PPP1R12B: variants seen among roughly 807,000 people sequenced by gnomAD.
PPP1R12B encodes myosin phosphatase target subunit 2.
PPP1R12B carries 76 observed loss-of-function variants against 126.1 expected under a neutral mutation model. That is an observed-to-expected ratio of 0.60 (90% CI 0.50 to 0.73). The LOEUF is 0.73. Among genes scored for constraint, PPP1R12B ranks in the 30% least tolerant of loss-of-function variants. PPP1R12B has a pLI of 0.00. For synonymous variants in PPP1R12B, 356 were observed against 434.7 expected (o/e 0.82, Z 2.25); for missense variants, 1,052 against 1,205.1 (o/e 0.87, Z 1.88).
At chr1:202,366,704 T>A (rs1404436911) in intron 1 of PPP1R12B, among the ~76,000 whole-genome samples, 1 of 152,192 alleles carries the variant, frequency 6.6e-6, no homozygotes, top group African/African-American at 2.4e-5. Context: ...TTAATAATGA[T>A]GATGTTGATT....
At chr1:202,487,528 C>G (rs991947152) in intron 13 of PPP1R12B, among the ~76,000 whole-genome samples, 2 of 151,244 alleles carry the variant, frequency 1.3e-5, no homozygotes, top group African/African-American at 4.8e-5. Flanking sequence ...TCTCATTTTA[C>G]AGATGACATG....
chr1:202,414,311 C>T (rs1396718121), intron 1 of PPP1R12B, among the ~76,000 whole-genome samples: 2 of 152,198 alleles, frequency 1.3e-5, no homozygotes, highest in Non-Finnish European at 2.9e-5. Context: ...GAAACCATGT[C>T]AATGGACTTT....
intron 18 of PPP1R12B, among the ~76,000 whole-genome samples, chr1:202,524,727 GT>G (rs1683135719): frequency 6.6e-6 from 1 of 152,138 alleles, no homozygotes; most frequent in African/African-American, 2.4e-5. Flanking sequence ...AGTATTCCAT[GT>G]TGTGTGTATA....
chr1:202,368,093 C>G (rs1188488161), intron 1 of PPP1R12B, among the ~76,000 whole-genome samples: 1 of 152,014 alleles, frequency 6.6e-6, no homozygotes, highest in East Asian at 1.9e-4. Flanking sequence ...CCTCAGTTTC[C>G]CGAGTAGCTG....
chr1:202,547,660 G>A lies in PPP1R12B; in HGVS notation c.2491-11217G>A, dbSNP rs566295679. ...AGTATATTATAGCATTTTAAAAAATGTTTTGCGTTGATTTCCAAAATCAAC... is the reference window on the plus strand; with the variant it reads ...AGTATATTATAGCATTTTAAAAAATATTTTGCGTTGATTTCCAAAATCAAC... On this transcript the variant is annotated intron_variant, in intron 18 of 23. Coordinates refer to ENST00000608999, the MANE Select transcript of PPP1R12B (RefSeq NM_002481.4). Among the ~76,000 whole-genome samples, 8 of 152,282 alleles carry A rather than the reference G, an allele frequency of 5.3e-5. No individual in the cohort carries two copies. The South Asian group carries it at 1.7e-3, about 32-fold the overall frequency.
intron 18 of PPP1R12B, among the ~76,000 whole-genome samples, chr1:202,507,975 C>G (rs1173969467): frequency 6.6e-6 from 1 of 152,148 alleles, no homozygotes; most frequent in Non-Finnish European, 1.5e-5. Flanking sequence ...TATAGATTTG[C>G]CCCAGCAGGA....
chr1:202,521,702 A>G (rs1682808661), intron 18 of PPP1R12B, among the ~76,000 whole-genome samples: 1 of 152,200 alleles, frequency 6.6e-6, no homozygotes, highest in South Asian at 2.1e-4. Flanking sequence ...AAAGAGAAAG[A>G]TGGACATGAA....
intron 18 of PPP1R12B, among the ~76,000 whole-genome samples, chr1:202,511,470 G>GCCT (rs1475829392): frequency 1.3e-5 from 2 of 151,950 alleles, no homozygotes; most frequent in Non-Finnish European, 2.9e-5. Context: ...ACCTGCCTCA[G>GCCT]CCTCCCAAAG....
At chr1:202,489,529 A>G (rs1380019194) in intron 14 of PPP1R12B, among the ~76,000 whole-genome samples, 7 of 152,246 alleles carry the variant, frequency 4.6e-5, no homozygotes, top group Non-Finnish European at 7.3e-5. Flanking sequence ...AATAAAAAGA[A>G]ATGAAGTACT....
chr1:202,578,101 C>A (rs1423100272), intron 23 of PPP1R12B, among the ~76,000 whole-genome samples: 2 of 152,232 alleles, frequency 1.3e-5, no homozygotes, highest in African/African-American at 4.8e-5. Context: ...CACCTCTTAA[C>A]ACTTTTTGCC....
chr1:202,451,666 G>A (rs1484543662), intron 13 of PPP1R12B, among the ~76,000 whole-genome samples: 4 of 152,110 alleles, frequency 2.6e-5, no homozygotes, highest in East Asian at 3.9e-4. Context: ...ATCATGGCCC[G>A]TTCTCAGTGA....
chr1:202,350,907 C>T (rs998795145), intron 1 of PPP1R12B, among the ~76,000 whole-genome samples: 5 of 151,990 alleles, frequency 3.3e-5, no homozygotes, highest in South Asian at 2.1e-4. Context: ...AGGCATGAGC[C>T]GCTGTGCCTG....
At chr1:202,439,649 T>G in intron 10 of PPP1R12B, 1 of 747,512 alleles carries the variant, frequency 1.3e-6, no homozygotes, top group Non-Finnish European at 2.3e-6. Flanking sequence ...CCCTGTCCAC[T>G]GCCCTTCCTG....
chr1:202,446,234 CTCTA>C lies in PPP1R12B; in HGVS notation c.1668-2753_1668-2750del, dbSNP rs201831040. Among the ~76,000 whole-genome samples, 127 of 88,360 alleles carry C rather than the reference CTCTA, an allele frequency of 1.4e-3. 1 individual carries two copies. Among genetic ancestry groups the C allele is most frequent in the African/African-American group, 2.5e-3 (67 of 26,436 alleles). The allele number at this position is 88,360 out of a possible 152,430, so 58.0% of individuals were successfully genotyped here. ...TATTACTCTCTCTCTCTCTCTCTCTCTCTATATATATATATATATATATTTTTTT... is the reference window on the plus strand; with the variant it reads ...TATTACTCTCTCTCTCTCTCTCTCTCTATATATATATATATATATTTTTTT... On this transcript the variant is annotated intron_variant, in intron 12 of 23. Transcript: ENST00000608999.
At chr1:202,390,451 A>G (rs1558166519) in intron 1 of PPP1R12B, among the ~76,000 whole-genome samples, 3 of 152,218 alleles carry the variant, frequency 2.0e-5, no homozygotes, top group African/African-American at 7.2e-5. Flanking sequence ...TCACCATAGC[A>G]TGAGCAACAA....
intron 18 of PPP1R12B, among the ~76,000 whole-genome samples, chr1:202,521,987 T>C (rs1451023077): frequency 6.6e-6 from 1 of 152,212 alleles, no homozygotes; most frequent in African/African-American, 2.4e-5. Flanking sequence ...AATAATGGAA[T>C]GGTAGTCAAA....
intron 13 of PPP1R12B, among the ~76,000 whole-genome samples, chr1:202,461,626 A>G (rs1674320424): frequency 6.6e-6 from 1 of 152,164 alleles, no homozygotes; most frequent in South Asian, 2.1e-4. Flanking sequence ...TACATGCTAT[A>G]GGGATTCCAT....
chr1:202,362,259 C>G (rs1008640469), intron 1 of PPP1R12B, among the ~76,000 whole-genome samples: 2 of 152,018 alleles, frequency 1.3e-5, no homozygotes, highest in Non-Finnish European at 2.9e-5. Context: ...ATTTTCCTCC[C>G]CATGTTTAAA....
chr1:202,499,480 C>A (rs1385375289), intron 18 of PPP1R12B, among the ~76,000 whole-genome samples: 1 of 152,184 alleles, frequency 6.6e-6, no homozygotes, highest in Non-Finnish European at 1.5e-5. Context: ...GTCTCGAACT[C>A]CTGGGCTCAA....
Sources: gnomAD v4.1 joint callset for allele counts (sites outside exome capture counted in the v4.1 genomes callset) on GRCh38, gnomAD v4.1.1 for gene constraint, MANE v1.5 for transcripts, NCBI Gene and HGNC (gene_info 2026-07-23, HGNC 2026-07-21) for gene names.